The following CACNA2D3 variants were observed in gnomAD, a reference collection of about 807,000 sequenced individuals.
The protein encoded by CACNA2D3 is calcium voltage-gated channel auxiliary subunit alpha2delta 3, also known as voltage-dependent calcium channel subunit alpha-2/delta-3.
Under a neutral mutation model 160.6 loss-of-function variants are expected in CACNA2D3, and 60 were observed. The ratio of observed to expected loss-of-function variants is 0.37; its 90% CI spans 0.30 to 0.46. CACNA2D3 has a LOEUF of 0.46. Among genes scored for constraint, CACNA2D3 ranks in the 20% least tolerant of loss-of-function variants. The pLI, the probability that CACNA2D3 is intolerant of heterozygous loss-of-function variation, is 1.00. For missense variants in CACNA2D3, 1,205 were observed against 1,365.0 expected, an observed-to-expected ratio of 0.88 and a Z score of 1.85; for synonymous variants, 558 against 492.9, an observed-to-expected ratio of 1.13 and a Z score of -1.75.
Position 54,776,529 on chromosome 3 carries a change from A to G in CACNA2D3, c.1380+12178A>G, listed in dbSNP as rs115827696. ...GACCCTGTCTCCAATTTAAAAAAAC[A>G]AAACAGCAACCAAACAAAGACAAAA... On this transcript the variant is annotated intron_variant, in intron 13 of 37. Coordinates refer to ENST00000474759, the MANE Select transcript of CACNA2D3 (RefSeq NM_018398.3). Among the ~76,000 whole-genome samples the G allele has an allele frequency of 1.8e-3, 274 of 152,248 alleles. 2 individuals are homozygous for G. The highest frequency in any genetic ancestry group is 6.3e-3 in the African/African-American group (260 of 41,542).
At chr3:54,779,081 T>C (rs1351757848) in intron 13 of CACNA2D3, among the ~76,000 whole-genome samples, 2 of 152,184 alleles carry the variant, frequency 1.3e-5, no homozygotes, top group Non-Finnish European at 2.9e-5. Context: ...GATGTTACTT[T>C]TGCCCACTGT....
At chr3:54,387,386 T>G (rs1699205710) in intron 4 of CACNA2D3, among the ~76,000 whole-genome samples, 1 of 152,196 alleles carries the variant, frequency 6.6e-6, no homozygotes, top group East Asian at 1.9e-4. Context: ...GTGTGGTGGC[T>G]CATGCCTGTA....
At chr3:54,885,199 G>C (rs1356322514) in intron 21 of CACNA2D3, 82 bp from the exon 22 acceptor site, 1 of 1,471,798 alleles carries the variant, frequency 6.8e-7, no homozygotes, top group Non-Finnish European at 9.5e-7. Flanking sequence ...CCACCCCGCA[G>C]CCCTACCCTA....
At chr3:54,709,342 G>A (rs1700913808) in intron 11 of CACNA2D3, among the ~76,000 whole-genome samples, 1 of 147,786 alleles carries the variant, frequency 6.8e-6, no homozygotes, top group Non-Finnish European at 1.5e-5. Context: ...GCTGCAGACT[G>A]CTTAAAGTCC....
At chr3:54,512,511 G>A (rs572717113) in intron 5 of CACNA2D3, among the ~76,000 whole-genome samples, 5 of 152,336 alleles carry the variant, frequency 3.3e-5, no homozygotes, top group Admixed American at 3.3e-4. Flanking sequence ...CCTGAGCCAG[G>A]TAGCCTTCCT....
At chr3:54,219,957 T>G (rs990229291) in intron 2 of CACNA2D3, among the ~76,000 whole-genome samples, 2 of 152,196 alleles carry the variant, frequency 1.3e-5, no homozygotes, top group Non-Finnish European at 2.9e-5. Flanking sequence ...GAATAAATAT[T>G]CAATGAAAAC....
intron 4 of CACNA2D3, among the ~76,000 whole-genome samples, chr3:54,474,133 G>T (rs1171334327): frequency 6.6e-6 from 1 of 152,146 alleles, no homozygotes; most frequent in Non-Finnish European, 1.5e-5. Context: ...CAATAGCAAA[G>T]ACTTGGAACC....
intron 2 of CACNA2D3, among the ~76,000 whole-genome samples, chr3:54,203,973 TA>T (rs1165739342): frequency 1.3e-5 from 2 of 151,950 alleles, no homozygotes; most frequent in Non-Finnish European, 2.9e-5. Context: ...AGTGGGACCC[TA>T]GCCAGGGACC....
chr3:54,761,292 C>A (rs1410168795), intron 12 of CACNA2D3, among the ~76,000 whole-genome samples: 3 of 152,172 alleles, frequency 2.0e-5, no homozygotes, highest in African/African-American at 7.2e-5. Flanking sequence ...AGCACTCATC[C>A]CTGTATCCTT....
chr3:54,142,633 C>T (rs1450559760), intron 2 of CACNA2D3, among the ~76,000 whole-genome samples: 1 of 152,116 alleles, frequency 6.6e-6, no homozygotes, highest in Non-Finnish European at 1.5e-5. Flanking sequence ...ACTTGTTGAA[C>T]ATTTAATGTA....
chr3:54,481,681 A>C (rs1476624497), intron 4 of CACNA2D3, among the ~76,000 whole-genome samples: 1 of 152,226 alleles, frequency 6.6e-6, no homozygotes, highest in African/African-American at 2.4e-5. Context: ...GACTACAGGC[A>C]ACTCTATCAC....
intron 1 of CACNA2D3, among the ~76,000 whole-genome samples, chr3:54,123,287 G>A (rs1699513025): frequency 6.7e-6 from 1 of 148,300 alleles, no homozygotes. Flanking sequence ...GGGAGACTTT[G>A]CGCATTCTTA....
chr3:54,424,717 C>T lies in CACNA2D3; in HGVS notation c.381+37943C>T, dbSNP rs1013598575. Among the ~76,000 whole-genome samples, 12 of 152,264 alleles carry T rather than the reference C, an allele frequency of 7.9e-5. No homozygotes were observed. The South Asian group carries it at 1.5e-3, about 18-fold the overall frequency. On this transcript the variant is annotated intron_variant, in intron 4 of 37. Transcript: ENST00000474759. ...GTGGTCCACTGCACTTAGATTTCTC[C>T]GCACTGCCTCTCCTATCCTTGCCAT...
intron 2 of CACNA2D3, among the ~76,000 whole-genome samples, chr3:54,223,152 A>G (rs2107380406): frequency 6.6e-6 from 1 of 152,328 alleles, no homozygotes; most frequent in Non-Finnish European, 1.5e-5. Flanking sequence ...TACTGTATTC[A>G]TAGGTTGTTC....
intron 3 of CACNA2D3, among the ~76,000 whole-genome samples, chr3:54,343,159 A>T (rs1291554813): frequency 2.0e-5 from 3 of 152,166 alleles, no homozygotes; most frequent in Non-Finnish European, 2.9e-5. Context: ...AACCCAGAGA[A>T]GTGCTTCTAG....
At chr3:54,905,504 G>A (rs1475671357) in intron 27 of CACNA2D3, among the ~76,000 whole-genome samples, 6 of 152,220 alleles carry the variant, frequency 3.9e-5, no homozygotes, top group Non-Finnish European at 5.9e-5. Flanking sequence ...ATGTCAGAAA[G>A]TGTGTATCAA....
intron 3 of CACNA2D3, among the ~76,000 whole-genome samples, chr3:54,340,611 A>G (rs1704496551): frequency 6.6e-6 from 1 of 152,188 alleles, no homozygotes; most frequent in Non-Finnish European, 1.5e-5. Flanking sequence ...GAAGTACCAT[A>G]GTTTATTTAT....
chr3:54,335,730 C>T (rs1274268821), intron 3 of CACNA2D3, among the ~76,000 whole-genome samples: 2 of 151,996 alleles, frequency 1.3e-5, no homozygotes, highest in Non-Finnish European at 2.9e-5. Flanking sequence ...TGCGGCCAGG[C>T]GCAGTGGCTC....
chr3:54,281,456 G>C (rs371943636), intron 2 of CACNA2D3, among the ~76,000 whole-genome samples: 1 of 152,162 alleles, frequency 6.6e-6, no homozygotes, highest in Admixed American at 6.5e-5. Context: ...GATCATGAGG[G>C]GGAGGAAGTG....
Sources: gnomAD v4.1 joint callset for allele counts (sites outside exome capture counted in the v4.1 genomes callset) on GRCh38, gnomAD v4.1.1 for gene constraint, MANE v1.5 for transcripts, NCBI Gene and HGNC (gene_info 2026-07-23, HGNC 2026-07-21) for gene names.